The following XIRP2 variants were observed in gnomAD, a reference collection of about 807,000 sequenced individuals.
XIRP2 encodes xin actin-binding repeat-containing protein 2.
XIRP2 carries 236 observed loss-of-function variants against 277.0 expected under a neutral mutation model. The observed-to-expected ratio is 0.85, with a 90% CI of 0.77 to 0.95. XIRP2 has a LOEUF of 0.95. Ranked by LOEUF, XIRP2 falls within the 40% of genes least tolerant of loss-of-function variation. The pLI is 0.00. For synonymous variants in XIRP2, 1,490 were observed against 1,416.5 expected, an observed-to-expected ratio of 1.05 and a Z score of -1.17; for missense variants, 4,640 against 4,157.5, an observed-to-expected ratio of 1.12 and a Z score of -3.19.
At chr2:167,061,418 C>T (rs1169708795) in intron 2 of XIRP2, among the ~76,000 whole-genome samples, 1 of 152,010 alleles carries the variant, frequency 6.6e-6, no homozygotes, top group Non-Finnish European at 1.5e-5. Context: ...GAAATATTTG[C>T]CTTTTTTTCC....
At chr2:166,995,659 T>G (rs918780365) in intron 2 of XIRP2, among the ~76,000 whole-genome samples, 4 of 152,190 alleles carry the variant, frequency 2.6e-5, no homozygotes, top group Non-Finnish European at 4.4e-5. Flanking sequence ...AAAGAAGCAA[T>G]AAAAACAATT....
At chr2:167,161,318 T>C (rs935753033) in intron 3 of XIRP2, among the ~76,000 whole-genome samples, 1 of 152,248 alleles carries the variant, frequency 6.6e-6, no homozygotes, top group Middle Eastern at 3.2e-3. Context: ...GGGCTCTGTG[T>C]GGGTGCTCTG....
Position 166,903,748 on chromosome 2 carries a change from A to G in XIRP2, c.266A>G (p.Glu89Gly), listed in dbSNP as rs1436810254. ...GTGGACAAGAGTAACAACACCAGGG[A>G]ATATGGTCGGCCAGAAGTGCTGAAG... ...DSVDKSNNTR[E>G]YGRPEVLKED... The change falls in exon 2 of 11, where the codon GAA becomes GGA. Residue 89 changes from glutamate (E) to glycine (G), a missense_variant. Glu to Gly is a moderately conservative substitution (Grantham distance 98, BLOSUM62 -2). Transcript: ENST00000409195. 6.2e-7 allele frequency: 1 copy of G among 1,613,544 alleles called. No homozygotes were observed. Among genetic ancestry groups the G allele is most frequent in the African/African-American group, 1.3e-5 (1 of 74,878 alleles).
chr2:167,250,101 C>T lies in XIRP2; in HGVS notation c.8709C>T (p.Gly2903=), dbSNP rs1459984959. 3 of 1,613,158 alleles carry T rather than the reference C, an allele frequency of 1.9e-6. No individual in the cohort carries two copies. Among genetic ancestry groups the T allele is most frequent in the African/African-American group, 2.7e-5 (2 of 74,732 alleles). ...AAGAAAAATGTCTCGAAGTCAAGGGCATACAAGAGAAACAAGTCTTCTCTA... is the reference window on the plus strand; with the variant it reads ...AAGAAAAATGTCTCGAAGTCAAGGGTATACAAGAGAAACAAGTCTTCTCTA... ...LQEEKCLEVK[G]IQEKQVFSNT... Residue 2903 remains glycine, a synonymous_variant, in exon 9 of 11, where the codon GGC becomes GGT. Transcript: ENST00000409195.
intron 2 of XIRP2, among the ~76,000 whole-genome samples, chr2:167,019,977 A>G (rs1192832556): frequency 6.6e-6 from 1 of 152,048 alleles, no homozygotes; most frequent in Non-Finnish European, 1.5e-5. Context: ...CAGCAAGGTT[A>G]TAGTATGGCT....
intron 2 of XIRP2, among the ~76,000 whole-genome samples, chr2:167,057,988 C>A (rs1689078946): frequency 6.7e-6 from 1 of 150,096 alleles, no homozygotes; most frequent in African/African-American, 2.5e-5. Flanking sequence ...GAGGGTAGGG[C>A]TTCCCGTTAT....
At chr2:167,205,303 T>C (rs1693824015) in intron 3 of XIRP2, among the ~76,000 whole-genome samples, 1 of 152,178 alleles carries the variant, frequency 6.6e-6, no homozygotes, top group South Asian at 2.1e-4. Context: ...ATTTGTTTAG[T>C]GAGAATGAAT....
chr2:167,209,696 G>C (rs1475831055), intron 3 of XIRP2, among the ~76,000 whole-genome samples: 1 of 151,732 alleles, frequency 6.6e-6, no homozygotes, highest in East Asian at 1.9e-4. Flanking sequence ...AACCATCTAA[G>C]AGTGAATAGT....
intron 2 of XIRP2, among the ~76,000 whole-genome samples, chr2:166,975,909 T>C (rs914905746): frequency 5.4e-5 from 6 of 111,916 alleles, no homozygotes; most frequent in Non-Finnish European, 8.2e-5. Context: ...CCAGCCTGGG[T>C]GACAGAGCGA....
chr2:166,975,711 G>GC (rs1686694241), intron 2 of XIRP2, among the ~76,000 whole-genome samples: 1 of 151,948 alleles, frequency 6.6e-6, no homozygotes, highest in Non-Finnish European at 1.5e-5. Flanking sequence ...AGATCACGAG[G>GC]TCAGGAGATC....
chr2:167,132,190 A>G (rs565441353), intron 2 of XIRP2, among the ~76,000 whole-genome samples: 2 of 152,186 alleles, frequency 1.3e-5, no homozygotes, highest in East Asian at 1.9e-4. Flanking sequence ...CTCTTTCCAC[A>G]TGTATTGTAA....
intron 3 of XIRP2, among the ~76,000 whole-genome samples, chr2:167,196,491 T>A (rs1195141782): frequency 6.6e-6 from 1 of 150,822 alleles, no homozygotes; most frequent in Non-Finnish European, 1.5e-5. Flanking sequence ...GTGTGTCTAG[T>A]CACTTACCAA....
At chr2:166,890,928 C>T (rs892511169) in intron 1 of XIRP2, among the ~76,000 whole-genome samples, 2 of 152,156 alleles carry the variant, frequency 1.3e-5, no homozygotes, top group African/African-American at 4.8e-5. Flanking sequence ...AACTTGTAAG[C>T]TGAGTACCTA....
At chr2:167,205,609 T>C (rs1232650444) in intron 3 of XIRP2, among the ~76,000 whole-genome samples, 1 of 152,144 alleles carries the variant, frequency 6.6e-6, no homozygotes, top group Non-Finnish European at 1.5e-5. Context: ...ATTTAATATA[T>C]GAATAATTTG....
At chr2:166,928,698 A>G (rs1388911739) in intron 2 of XIRP2, among the ~76,000 whole-genome samples, 1 of 152,138 alleles carries the variant, frequency 6.6e-6, no homozygotes, top group Non-Finnish European at 1.5e-5. Flanking sequence ...AACCCAAATC[A>G]CACTGCAACT....
At chr2:167,153,067 C>A (rs573051711) in intron 3 of XIRP2, among the ~76,000 whole-genome samples, 1 of 152,028 alleles carries the variant, frequency 6.6e-6, no homozygotes, top group Non-Finnish European at 1.5e-5. Context: ...AACTACATAC[C>A]CATATGTGCC....
At chr2:167,113,270 G>C (rs79602561) in intron 2 of XIRP2, among the ~76,000 whole-genome samples, 3,007 of 152,194 alleles carry the variant, frequency 0.02, 47 homozygotes, top group Middle Eastern at 0.038. Context: ...CCCTATAATT[G>C]TGTGGGAATC....
chr2:167,145,973 A>G (rs988016193), intron 3 of XIRP2, among the ~76,000 whole-genome samples: 1 of 152,242 alleles, frequency 6.6e-6, no homozygotes. Flanking sequence ...TAAACAGTAA[A>G]TGAATTCAAA....
chr2:167,259,053 T>G lies in XIRP2; in HGVS notation c.*1236T>G, dbSNP rs775230005. 1 of 1,610,622 alleles carries G rather than the reference T, an allele frequency of 6.2e-7. No individual in the cohort carries two copies. Among genetic ancestry groups the G allele is most frequent in the East Asian group, 2.2e-5 (1 of 44,696 alleles). Reference sequence around the variant, plus strand: ...TCAAAGAGCAAAAATTTACACTTTTTCTTTTCTAACACCGTGAAAATCACT... The same window carrying G: ...TCAAAGAGCAAAAATTTACACTTTTGCTTTTCTAACACCGTGAAAATCACT... On this transcript the variant is annotated 3_prime_UTR_variant, in exon 11 of 11. Coordinates refer to ENST00000409195, the MANE Select transcript of XIRP2 (RefSeq NM_152381.6).
Sources: gnomAD v4.1 joint callset for allele counts (sites outside exome capture counted in the v4.1 genomes callset) on GRCh38, gnomAD v4.1.1 for gene constraint, MANE v1.5 for transcripts, NCBI Gene and HGNC (gene_info 2026-07-23, HGNC 2026-07-21) for gene names.